Variants in SCN9A observed in about 807,000 individuals in gnomAD.
The protein encoded by SCN9A is sodium channel protein type 9 subunit alpha.
Under a neutral mutation model 187.0 loss-of-function variants are expected in SCN9A, and 131 were observed. The ratio of observed to expected loss-of-function variants is 0.70; its 90% CI spans 0.61 to 0.81. The LOEUF (loss-of-function observed/expected upper bound fraction) is 0.81, where lower values mean the gene tolerates loss of function less well. Ranked by LOEUF, SCN9A falls within the 30% of genes least tolerant of loss-of-function variation. SCN9A has a pLI of 0.00. For missense variants in SCN9A, 2,252 were observed against 2,396.6 expected (o/e 0.94, Z 1.26); for synonymous variants, 809 against 808.6 (o/e 1.00, Z -0.01).
At chr2:166,220,807 T>A (rs1380691752) in intron 24 of SCN9A, among the ~76,000 whole-genome samples, 1 of 152,042 alleles carries the variant, frequency 6.6e-6, no homozygotes, top group Non-Finnish European at 1.5e-5. Context: ...GCACTAGAAG[T>A]CCTAGCCAGA....
At chr2:166,308,184 C>A (rs1032067837) in intron 2 of SCN9A, among the ~76,000 whole-genome samples, 6 of 152,132 alleles carry the variant, frequency 3.9e-5, no homozygotes, top group Admixed American at 2.6e-4. Context: ...AAAATTAATA[C>A]CTAGTCCTCA....
At chr2:166,252,353 T>G (rs530102525) in intron 17 of SCN9A, among the ~76,000 whole-genome samples, 1 of 151,946 alleles carries the variant, frequency 6.6e-6, no homozygotes, top group Non-Finnish European at 1.5e-5. Context: ...AACTTATTGA[T>G]AGTTAAAATT....
intron 24 of SCN9A, among the ~76,000 whole-genome samples, chr2:166,222,976 C>CAAAAAAAA (rs1694686070): frequency 1.7e-5 from 1 of 59,500 alleles, no homozygotes; most frequent in Non-Finnish European, 3.7e-5. Context: ...AAAAAAACAG[C>CAAAAAAAA]AACAAAAAAC....
intron 1 of SCN9A, among the ~76,000 whole-genome samples, chr2:166,349,001 G>T (rs915367085): frequency 6.6e-6 from 1 of 151,740 alleles, no homozygotes; most frequent in Non-Finnish European, 1.5e-5. Context: ...GGTGGCGCGT[G>T]CTTATAATCC....
intron 16 of SCN9A, among the ~76,000 whole-genome samples, chr2:166,275,960 T>C (rs905375507): frequency 6.6e-6 from 1 of 152,114 alleles, no homozygotes; most frequent in South Asian, 2.1e-4. Flanking sequence ...CAGTGGGAAG[T>C]GAAGGCACTT....
intron 1 of SCN9A, among the ~76,000 whole-genome samples, chr2:166,351,230 G>C (rs1700026744): frequency 6.6e-6 from 1 of 152,116 alleles, no homozygotes; most frequent in African/African-American, 2.4e-5. Context: ...TCAGGGTGGT[G>C]AAATGAGAAA....
intron 20 of SCN9A, among the ~76,000 whole-genome samples, chr2:166,235,069 C>T (rs1371253773): frequency 6.6e-6 from 1 of 151,972 alleles, no homozygotes; most frequent in Non-Finnish European, 1.5e-5. Context: ...AGATGTGGAC[C>T]CTTCACCTTA....
chr2:166,266,868 T>C (rs910784866), intron 17 of SCN9A, among the ~76,000 whole-genome samples: 4 of 151,976 alleles, frequency 2.6e-5, no homozygotes, highest in Admixed American at 1.3e-4. Flanking sequence ...GTTGTTAACA[T>C]ATAGAAATAA....
At chr2:166,251,147 A>C (rs1373773501) in intron 18 of SCN9A, among the ~76,000 whole-genome samples, 1 of 152,134 alleles carries the variant, frequency 6.6e-6, no homozygotes, top group African/African-American at 2.4e-5. Context: ...TAGCACAGAA[A>C]TGGCTTTTCA....
chr2:166,317,912 GA>G (rs1699145939), intron 1 of SCN9A, among the ~76,000 whole-genome samples: 1 of 152,162 alleles, frequency 6.6e-6, no homozygotes. Context: ...GATCAAAGCA[GA>G]AGCTACAGTC....
chr2:166,273,041 G>A lies in SCN9A; in HGVS notation c.2875-166C>T, dbSNP rs537495340. Among the ~76,000 whole-genome samples, 76 of 152,104 alleles carry A rather than the reference G, an allele frequency of 5.0e-4. 1 individual carries two copies. Among genetic ancestry groups the A allele is most frequent in the South Asian group, 2.9e-3 (14 of 4,814 alleles). ...AAGACCACATGAGAGAGACAGAGGC[G>A]AGGGTAGACTCCTCATCACTGTATC... On this transcript the variant is annotated intron_variant, in intron 16 of 26. Transcript: ENST00000642356.
Position 166,272,811 on chromosome 2 carries a change from T to C in SCN9A, c.2939A>G (p.Glu980Gly). ...GAGGTTGTTTGCATCAGGGTCTTCT[T>C]CAATTGCTGTAAGATTGTCTGAACT... ...SFSSDNLTAI[E>G]EDPDANNLQI... The change falls in exon 17 of 27, where the codon GAA becomes GGA. Residue 980 changes from glutamate to glycine, a missense_variant. Glu to Gly is a moderately conservative substitution (Grantham distance 98, BLOSUM62 -2). Coordinates refer to ENST00000642356, the MANE Select transcript of SCN9A (RefSeq NM_001365536.1). 1 of 1,520,934 alleles carries C rather than the reference T, an allele frequency of 6.6e-7. No homozygotes were observed. The highest frequency in any genetic ancestry group is 8.8e-7 in the Non-Finnish European group (1 of 1,138,776). The allele number at this position is 1,520,934 out of a possible 1,614,324, so 94.2% of individuals were successfully genotyped here. A position where few individuals can be genotyped will look rare whatever the true frequency, so the allele number is the denominator to read the frequency against.
At chr2:166,242,426 G>A in intron 19 of SCN9A, 76 bp downstream of exon 19, 1 of 1,274,174 alleles carries the variant, frequency 7.8e-7, no homozygotes, top group Non-Finnish European at 1.1e-6. Flanking sequence ...AACTTGCCAT[G>A]ATATTTTTAT....
intron 1 of SCN9A, among the ~76,000 whole-genome samples, chr2:166,318,882 A>T (rs1228817841): frequency 6.6e-6 from 1 of 152,154 alleles, no homozygotes; most frequent in East Asian, 1.9e-4. Context: ...AAATTAAAAA[A>T]GTACAAAATA....
chr2:166,223,256 C>G (rs1315283615), intron 24 of SCN9A, among the ~76,000 whole-genome samples: 1 of 152,276 alleles, frequency 6.6e-6, no homozygotes, highest in East Asian at 1.9e-4. Context: ...TCCTTACTTC[C>G]ATGTTCACTT....
At chr2:166,233,281 T>G in intron 21 of SCN9A, 59 bp downstream of exon 21, 1 of 1,265,164 alleles carries the variant, frequency 7.9e-7, no homozygotes, top group South Asian at 1.7e-5. Context: ...TACCCATTGT[T>G]TTTATATTTT....
intron 17 of SCN9A, among the ~76,000 whole-genome samples, chr2:166,252,716 C>A (rs529430824): frequency 3.2e-4 from 48 of 151,564 alleles, no homozygotes; most frequent in Non-Finnish European, 5.3e-4. Flanking sequence ...GTGATCATAA[C>A]GCAAATAGGT....
intron 1 of SCN9A, among the ~76,000 whole-genome samples, chr2:166,351,259 A>G (rs1324584075): frequency 6.6e-6 from 1 of 152,234 alleles, no homozygotes. Context: ...CATTTTCCTT[A>G]TAAAGTTTAT....
chr2:166,237,971 T>C (rs1695395267), intron 20 of SCN9A, 123 bp downstream of exon 20: 4 of 657,434 alleles, frequency 6.1e-6, no homozygotes, highest in East Asian at 2.8e-5. Flanking sequence ...AATAAACCTA[T>C]AGCCTGAAAA....
Sources: gnomAD v4.1 joint callset for allele counts (sites outside exome capture counted in the v4.1 genomes callset) on GRCh38, gnomAD v4.1.1 for gene constraint, MANE v1.5 for transcripts, NCBI Gene and HGNC (gene_info 2026-07-23, HGNC 2026-07-21) for gene names.